Variants in AP3B1 observed in about 807,000 individuals in gnomAD.
AP3B1 encodes adaptor related protein complex 3 subunit beta 1, also known as AP-3 complex subunit beta-1.
Under a neutral mutation model 132.5 loss-of-function variants are expected in AP3B1, and 61 were observed. The ratio of observed to expected loss-of-function variants is 0.46; its 90% CI spans 0.37 to 0.57. The LOEUF (loss-of-function observed/expected upper bound fraction) is 0.57. Among genes scored for constraint, AP3B1 ranks in the 20% least tolerant of loss-of-function variants. The pLI is 0.00. For synonymous variants in AP3B1, 388 were observed against 438.3 expected, an observed-to-expected ratio of 0.89 and a Z score of 1.43; for missense variants, 1,120 against 1,289.4, an observed-to-expected ratio of 0.87 and a Z score of 2.01.
At chr5:78,015,644 C>A in intron 25 of AP3B1, 96 bp from the exon 26 acceptor site, 1 of 1,233,208 alleles carries the variant, frequency 8.1e-7, no homozygotes, top group South Asian at 1.3e-5. Flanking sequence ...AACTTTTTTT[C>A]AACAAAAGAA....
rs752359387 is a variant in AP3B1 at position 78,294,676 on chromosome 5, G to C, written c.-97C>G. On this transcript the variant is annotated 5_prime_UTR_variant, in exon 1 of 27. Transcript: ENST00000255194. ...ACGGAACAAAACTAGTTCTCGTACGGAGGAGCGCGCGCAGGCGCTTCCGGA... is the reference window on the plus strand; with the variant it reads ...ACGGAACAAAACTAGTTCTCGTACGCAGGAGCGCGCGCAGGCGCTTCCGGA... 7 of 1,588,766 alleles carry C rather than the reference G, an allele frequency of 4.4e-6. No homozygotes were observed. The highest frequency in any genetic ancestry group is 6.0e-6 in the Non-Finnish European group (7 of 1,167,594).
chr5:78,127,447 C>T (rs917042100), intron 17 of AP3B1, among the ~76,000 whole-genome samples: 1 of 151,900 alleles, frequency 6.6e-6, no homozygotes, highest in Non-Finnish European at 1.5e-5. Flanking sequence ...ATCTCAATGG[C>T]CAGCATTTTT....
At chr5:78,189,184 A>G (rs1243908398) in intron 7 of AP3B1, among the ~76,000 whole-genome samples, 1 of 152,196 alleles carries the variant, frequency 6.6e-6, no homozygotes, top group Non-Finnish European at 1.5e-5. Context: ...ACGTTTACCT[A>G]TGTAACAAAC....
chr5:78,165,928 C>T (rs1743599563), intron 11 of AP3B1, among the ~76,000 whole-genome samples: 1 of 151,896 alleles, frequency 6.6e-6, no homozygotes, highest in African/African-American at 2.4e-5. Flanking sequence ...ATTAGCCGGG[C>T]ATGGTGGTGC....
chr5:78,277,925 T>G (rs1052378676), intron 1 of AP3B1, among the ~76,000 whole-genome samples: 1 of 142,000 alleles, frequency 7.0e-6, no homozygotes, highest in South Asian at 2.3e-4. Flanking sequence ...TCACAGGACA[T>G]CTTCATATTT....
chr5:78,036,693 G>GA (rs963356948), intron 23 of AP3B1, among the ~76,000 whole-genome samples: 2 of 151,624 alleles, frequency 1.3e-5, no homozygotes, highest in African/African-American at 2.4e-5. Context: ...GTGAAATCCA[G>GA]AAAAAAAAGT....
At chr5:78,037,256 C>T (rs1747844467) in intron 23 of AP3B1, among the ~76,000 whole-genome samples, 1 of 152,138 alleles carries the variant, frequency 6.6e-6, no homozygotes, top group Admixed American at 6.5e-5. Flanking sequence ...CATTCTCAAC[C>T]TTCAGACAAT....
intron 7 of AP3B1, among the ~76,000 whole-genome samples, chr5:78,190,828 C>T (rs764448332): frequency 1.3e-5 from 2 of 152,092 alleles, no homozygotes; most frequent in African/African-American, 2.4e-5. Flanking sequence ...TTCTAGAAGC[C>T]ATGTAATTGA....
chr5:78,139,140 T>C (rs1480710134), intron 15 of AP3B1, among the ~76,000 whole-genome samples: 2 of 151,764 alleles, frequency 1.3e-5, no homozygotes, highest in East Asian at 3.9e-4. Context: ...CATTTCATTA[T>C]TGGTTATTCA....
chr5:78,164,411 C>T (rs1190343402), intron 12 of AP3B1, among the ~76,000 whole-genome samples: 1 of 151,976 alleles, frequency 6.6e-6, no homozygotes, highest in Non-Finnish European at 1.5e-5. Flanking sequence ...ACAACCCATT[C>T]CATAACATTA....
intron 13 of AP3B1, among the ~76,000 whole-genome samples, chr5:78,162,428 TCTC>T (rs1268565511): frequency 3.3e-5 from 5 of 152,134 alleles, no homozygotes; most frequent in African/African-American, 1.2e-4. Context: ...TCTAGCCACT[TCTC>T]CATGTTATAG....
At chr5:78,155,870 TA>T (rs1196202124) in intron 14 of AP3B1, among the ~76,000 whole-genome samples, 1 of 152,024 alleles carries the variant, frequency 6.6e-6, no homozygotes, top group African/African-American at 2.4e-5. Context: ...ATATCTCAAT[TA>T]AAAAAACAAA....
At chr5:78,123,838 C>T (rs561878000) in intron 17 of AP3B1, among the ~76,000 whole-genome samples, 5 of 152,068 alleles carry the variant, frequency 3.3e-5, no homozygotes, top group Non-Finnish European at 4.4e-5. Flanking sequence ...CCCAGCCATC[C>T]CATTACTGGG....
chr5:78,225,671 C>T (rs942738567), intron 5 of AP3B1, 63 bp from the exon 6 acceptor site: 9 of 1,041,744 alleles, frequency 8.6e-6, no homozygotes, highest in East Asian at 2.4e-5. Flanking sequence ...ATGATGCTCA[C>T]CAATTCAAGG....
At chr5:78,246,119 A>G (rs1454490211) in intron 2 of AP3B1, among the ~76,000 whole-genome samples, 1 of 152,196 alleles carries the variant, frequency 6.6e-6, no homozygotes, top group African/African-American at 2.4e-5. Flanking sequence ...AGAGTGCCCC[A>G]AAGAACATTC....
rs1369677083 is a variant in AP3B1 at position 78,116,211 on chromosome 5, T to A, written c.1992A>T (p.Gly664=). ...TAGCAGAATTCTCTTGCTTTGCTTT[T>A]CCTGCTGGGGTCCATTCTTTTGCCT... is the stretch of plus-strand genomic sequence containing the variant. ...IELAKEWTPA[G]KAKQENSAKK... Residue 664 remains glycine (G), a synonymous_variant, in exon 18 of 27, where the codon GGA becomes GGT. Coordinates refer to ENST00000255194, the MANE Select transcript of AP3B1 (RefSeq NM_003664.5). The A allele has an allele frequency of 1.2e-6, 2 of 1,613,724 alleles. No homozygotes were observed. Among genetic ancestry groups the A allele is most frequent in the Non-Finnish European group, 8.5e-7 (1 of 1,179,760 alleles).
intron 1 of AP3B1, among the ~76,000 whole-genome samples, chr5:78,271,141 G>A (rs746793018): frequency 6.6e-5 from 10 of 152,124 alleles, no homozygotes; most frequent in Non-Finnish European, 1.5e-4. Flanking sequence ...AACTTTCTAG[G>A]CAGGGCACAG....
chr5:78,267,707 C>G, intron 1 of AP3B1, 112 bp from the exon 2 acceptor site: 1 of 661,330 alleles, frequency 1.5e-6, no homozygotes, highest in Non-Finnish European at 2.5e-6. Flanking sequence ...TGTTAAATAA[C>G]TGCAGCAAGA....
chr5:78,002,541 G>A lies in AP3B1; in HGVS notation c.*361C>T, dbSNP rs1040995881. ...TCTTTGCTAATTTTTGCTTACTGCT[G>A]TAGGGAAGAAGATTTCCAATGAACT... is the stretch of plus-strand genomic sequence containing the variant. On this transcript the variant is annotated 3_prime_UTR_variant, in exon 27 of 27. Coordinates refer to ENST00000255194, the MANE Select transcript of AP3B1 (RefSeq NM_003664.5). 1 of 532,766 alleles carries A rather than the reference G, an allele frequency of 1.9e-6. No individual in the cohort carries two copies. The highest frequency in any genetic ancestry group is 3.3e-6 in the Non-Finnish European group (1 of 303,926). The allele number at this position is 532,766 out of a possible 1,614,324, so 33.0% of individuals were successfully genotyped here. A position where few individuals can be genotyped will look rare whatever the true frequency, so the allele number is the denominator to read the frequency against.
Sources: gnomAD v4.1 joint callset for allele counts (sites outside exome capture counted in the v4.1 genomes callset) on GRCh38, gnomAD v4.1.1 for gene constraint, MANE v1.5 for transcripts, NCBI Gene and HGNC (gene_info 2026-07-23, HGNC 2026-07-21) for gene names.